The following BCKDHB variants were observed in gnomAD, a reference collection of about 807,000 sequenced individuals.
The protein encoded by BCKDHB is branched chain keto acid dehydrogenase E1 subunit beta.
In BCKDHB, 41 loss-of-function variants were observed where a neutral mutation model predicts 48.5. The observed-to-expected ratio is 0.85, with a 90% CI of 0.66 to 1.10. The LOEUF is 1.10. BCKDHB is among the 50% of genes least tolerant of loss of function. The pLI, the probability that BCKDHB is intolerant of heterozygous loss-of-function variation, is 0.00. For missense variants in BCKDHB, 496 were observed against 494.2 expected (o/e 1.00, Z -0.03); for synonymous variants, 201 against 174.8 (o/e 1.15, Z -1.18).
At chr6:80,462,136 T>C in the BCKDHB span, among the ~76,000 whole-genome samples, 7 of 152,146 alleles carry the variant, frequency 4.6e-5, no homozygotes, top group Non-Finnish European at 1.0e-4. Context: ...TAAACACATA[T>C]TGTCTCTTTT....
intron 9 of BCKDHB, among the ~76,000 whole-genome samples, chr6:80,296,428 C>T (rs913548890): frequency 2.6e-5 from 4 of 152,106 alleles, no homozygotes; most frequent in African/African-American, 7.2e-5. Flanking sequence ...GTAGGAGTTT[C>T]CCATAAGTTT....
At chr6:80,280,468 T>A (rs1778151603) in intron 9 of BCKDHB, among the ~76,000 whole-genome samples, 1 of 152,152 alleles carries the variant, frequency 6.6e-6, no homozygotes, top group South Asian at 2.1e-4. Flanking sequence ...AACAACATTT[T>A]GGTCAACAAT....
At chr6:80,336,730 AC>A (rs1396580330) in intron 9 of BCKDHB, among the ~76,000 whole-genome samples, 1 of 152,042 alleles carries the variant, frequency 6.6e-6, no homozygotes. Context: ...TATATTATTT[AC>A]TGTCTTACTC....
chr6:80,296,211 C>T (rs1270809446), intron 9 of BCKDHB, among the ~76,000 whole-genome samples: 2 of 152,094 alleles, frequency 1.3e-5, no homozygotes, highest in Admixed American at 1.3e-4. Flanking sequence ...TTTAAGTGCA[C>T]CTGTCAAAGT....
At chr6:80,132,335 G>A (rs933118018) in intron 3 of BCKDHB, among the ~76,000 whole-genome samples, 3 of 152,148 alleles carry the variant, frequency 2.0e-5, no homozygotes, top group African/African-American at 7.2e-5. Context: ...GTTGTCAAAG[G>A]CAGCAGATCT....
At chr6:80,407,455 C>T in the BCKDHB span, among the ~76,000 whole-genome samples, 1 of 152,102 alleles carries the variant, frequency 6.6e-6, no homozygotes, top group Admixed American at 6.6e-5. Context: ...GGCAGTATGG[C>T]CATTTTCACG....
At chr6:80,124,704 G>A (rs560001725) in intron 1 of BCKDHB, among the ~76,000 whole-genome samples, 3 of 152,206 alleles carry the variant, frequency 2.0e-5, no homozygotes, top group South Asian at 2.1e-4. Flanking sequence ...CCGTCAGAGC[G>A]CTTGGGTGAC....
intron 9 of BCKDHB, among the ~76,000 whole-genome samples, chr6:80,336,986 G>A (rs372135956): frequency 1.4e-3 from 212 of 152,100 alleles, no homozygotes; most frequent in Admixed American, 2.5e-3. Context: ...GATATGTATT[G>A]TTTAAAGCAT....
Position 80,344,027 on chromosome 6 carries a change from G to T in BCKDHB, c.*223G>T. 1 of 554,798 alleles carries T rather than the reference G, an allele frequency of 1.8e-6. No individual in the cohort carries two copies. Among genetic ancestry groups the T allele is most frequent in the Non-Finnish European group, 3.2e-6 (1 of 311,446 alleles). The allele number at this position is 554,798 out of a possible 1,614,324, so 34.4% of individuals were successfully genotyped here. A position where few individuals can be genotyped will look rare whatever the true frequency, so the allele number is the denominator to read the frequency against. ...GTTGTTGTTGTTGTTCTGAGATGGA[G>T]TCTCACTCTGTCGCCCAGGCTAGAC... On this transcript the variant is annotated 3_prime_UTR_variant, in exon 10 of 10. Transcript: ENST00000320393.
chr6:80,416,775 T>TA, the BCKDHB span, among the ~76,000 whole-genome samples: 12 of 61,856 alleles, frequency 1.9e-4, no homozygotes, highest in Admixed American at 7.3e-4. Flanking sequence ...TTTATTTTTA[T>TA]TTTTTTTAAT....
chr6:80,273,267 A>G (rs141838243), intron 9 of BCKDHB, 46 bp downstream of exon 9: 27 of 1,454,512 alleles, frequency 1.9e-5, no homozygotes, highest in Non-Finnish European at 2.3e-5. Flanking sequence ...GCAATTCCAC[A>G]TGCCAATTCC....
chr6:80,261,246 G>A (rs1323978835), intron 8 of BCKDHB, among the ~76,000 whole-genome samples: 5 of 151,754 alleles, frequency 3.3e-5, no homozygotes, highest in African/African-American at 9.7e-5. Context: ...TTTCCAATTC[G>A]GGCAATAGCA....
intron 9 of BCKDHB, among the ~76,000 whole-genome samples, chr6:80,289,346 T>C (rs893921903): frequency 2.0e-5 from 3 of 152,150 alleles, no homozygotes; most frequent in African/African-American, 7.2e-5. Context: ...CTGCCAAGTA[T>C]ATCAGGAGAT....
chr6:80,129,310 T>C, intron 3 of BCKDHB, 81 bp downstream of exon 3: 1 of 1,196,316 alleles, frequency 8.4e-7, no homozygotes, highest in East Asian at 2.4e-5. Flanking sequence ...GCCTACTAAA[T>C]TTTTTGTCAT....
chr6:80,322,234 T>C (rs1036496984), intron 9 of BCKDHB, among the ~76,000 whole-genome samples: 1 of 80,758 alleles, frequency 1.2e-5, no homozygotes, highest in African/African-American at 4.2e-5. Context: ...TCTTTCTTTC[T>C]TTTCTTTTTT....
At chr6:80,388,919 G>T in the BCKDHB span, among the ~76,000 whole-genome samples, 1 of 152,314 alleles carries the variant, frequency 6.6e-6, no homozygotes, top group African/African-American at 2.4e-5. Flanking sequence ...ACTTTGCATG[G>T]AAGGAGAAAT....
At chr6:80,381,957 A>C in the BCKDHB span, among the ~76,000 whole-genome samples, 1 of 152,078 alleles carries the variant, frequency 6.6e-6, no homozygotes, top group South Asian at 2.1e-4. Context: ...AGTTTTCTAC[A>C]TGTCATTTGT....
intron 8 of BCKDHB, among the ~76,000 whole-genome samples, chr6:80,264,577 T>G (rs1376609714): frequency 6.6e-6 from 1 of 152,048 alleles, no homozygotes; most frequent in East Asian, 1.9e-4. Flanking sequence ...CCGTTGAAGA[T>G]TTTTCAGGAG....
chr6:80,185,009 C>T (rs1486708121), intron 6 of BCKDHB, among the ~76,000 whole-genome samples: 1 of 152,168 alleles, frequency 6.6e-6, no homozygotes, highest in Non-Finnish European at 1.5e-5. Context: ...AAGTTTTTCT[C>T]TATTATCCCC....
Sources: allele counts gnomAD v4.1 joint callset (sites outside exome capture counted in the v4.1 genomes callset), GRCh38; gene constraint gnomAD v4.1.1; transcripts MANE v1.5; gene names NCBI Gene and HGNC (gene_info 2026-07-23, HGNC 2026-07-21).